LINGO2: variants seen among roughly 807,000 people sequenced by gnomAD.
The protein encoded by LINGO2 is leucine rich repeat and Ig domain containing 2.
A neutral mutation model predicts 30.6 loss-of-function variants in LINGO2; 14 were observed. The observed-to-expected ratio is 0.46, with a 90% confidence interval of 0.30 to 0.72. The LOEUF (loss-of-function observed/expected upper bound fraction) is 0.72, where lower values mean the gene tolerates loss of function less well. Ranked by LOEUF, LINGO2 falls within the 30% of genes least tolerant of loss-of-function variation. The pLI is 0.07. For synonymous variants in LINGO2, 317 were observed against 288.5 expected (o/e 1.10, Z -1.00); for missense variants, 729 against 751.7 (o/e 0.97, Z 0.35).
At chr9:28,233,061 TTAG>T (rs1408214826) in intron 4 of LINGO2, among the ~76,000 whole-genome samples, 17 of 118,744 alleles carry the variant, frequency 1.4e-4, no homozygotes, top group South Asian at 2.6e-4. Context: ...TATATATATA[TTAG>T]ATATATAATA....
the LINGO2 span, among the ~76,000 whole-genome samples, chr9:29,106,762 G>C: frequency 2.6e-5 from 4 of 152,252 alleles, no homozygotes; most frequent in African/African-American, 9.6e-5. Context: ...AATTCTCACA[G>C]TAAACATGCA....
At chr9:28,023,089 A>C (rs1823213839) in intron 4 of LINGO2, among the ~76,000 whole-genome samples, 1 of 152,106 alleles carries the variant, frequency 6.6e-6, no homozygotes, top group Non-Finnish European at 1.5e-5. Context: ...TTTCAATTAG[A>C]GCCTTTAACA....
intron 5 of LINGO2, among the ~76,000 whole-genome samples, chr9:27,981,551 G>GAAAAAAAAAAA (rs1279785343): frequency 1.1e-5 from 1 of 87,144 alleles, no homozygotes; most frequent in African/African-American, 4.2e-5. Context: ...AAAAAAAAAA[G>GAAAAAAAAAAA]AAAAAAAAGA....
chr9:28,736,112 T>C, the LINGO2 span, among the ~76,000 whole-genome samples: 2 of 152,188 alleles, frequency 1.3e-5, no homozygotes, highest in East Asian at 3.8e-4. Flanking sequence ...GCTAAAGCAA[T>C]TAAACAGAAC....
chr9:27,970,818 G>T (rs1820317495), intron 5 of LINGO2, among the ~76,000 whole-genome samples: 1 of 151,896 alleles, frequency 6.6e-6, no homozygotes, highest in African/African-American at 2.4e-5. Context: ...ATAATGGTAT[G>T]CTATGGAAAC....
chr9:28,583,465 A>T (rs1824367261), intron 1 of LINGO2, among the ~76,000 whole-genome samples: 1 of 151,946 alleles, frequency 6.6e-6, no homozygotes, highest in Admixed American at 6.6e-5. Flanking sequence ...TTTCCCTTTG[A>T]TTGTGTAATA....
chr9:29,023,114 C>T, the LINGO2 span, among the ~76,000 whole-genome samples: 3 of 152,066 alleles, frequency 2.0e-5, no homozygotes, highest in African/African-American at 4.8e-5. Context: ...GGACTCAACA[C>T]TTGAGTCTTC....
the LINGO2 span, chr9:27,940,344 G>A: frequency 3.1e-4 from 47 of 152,186 alleles, no homozygotes; most frequent in African/African-American, 1.1e-3. Context: ...TTGATAGAGG[G>A]TCATAATTTT....
At chr9:28,453,056 T>C (rs1459414626) in intron 2 of LINGO2, among the ~76,000 whole-genome samples, 1 of 151,904 alleles carries the variant, frequency 6.6e-6, no homozygotes, top group Non-Finnish European at 1.5e-5. Context: ...AGATAATAGA[T>C]TTGAGTAGAA....
chr9:28,772,445 A>G, the LINGO2 span, among the ~76,000 whole-genome samples: 2 of 152,214 alleles, frequency 1.3e-5, no homozygotes, highest in African/African-American at 4.8e-5. Flanking sequence ...TTGCATGTAC[A>G]TAACAGCAGC....
At chr9:28,396,223 C>T (rs1247855789) in intron 2 of LINGO2, among the ~76,000 whole-genome samples, 1 of 152,124 alleles carries the variant, frequency 6.6e-6, no homozygotes, top group African/African-American at 2.4e-5. Flanking sequence ...TGTATTGACT[C>T]ACTTATTCTT....
At chr9:28,732,880 G>A in the LINGO2 span, among the ~76,000 whole-genome samples, 1 of 151,904 alleles carries the variant, frequency 6.6e-6, no homozygotes, top group South Asian at 2.1e-4. Context: ...AATCCTGGCC[G>A]GATGCAAGAA....
At chr9:28,563,583 AAAGAAC>A in intron 1 of LINGO2, among the ~76,000 whole-genome samples, 1 of 152,298 alleles carries the variant, frequency 6.6e-6, no homozygotes, top group South Asian at 2.1e-4. Flanking sequence ...CAAATATGCA[AAAGAAC>A]AAATGCTTGA....
chr9:28,648,855 C>A lies in LINGO2; in HGVS notation c.-365+21345G>T, dbSNP rs144348333. 4.5e-3 allele frequency among the ~76,000 whole-genome samples: 685 copies of A among 152,244 alleles called. 6 individuals are homozygous for A. Among genetic ancestry groups the A allele is most frequent in the African/African-American group, 0.012 (488 of 41,562 alleles). On this transcript the variant is annotated intron_variant, in intron 1 of 5. Transcript: ENST00000379992. ...CAAAGGATCTACCAGAATGTACCTT[C>A]TGTTGGCAGTTTCATTGATTCAGTG...
At chr9:28,018,464 G>C (rs1179689895) in intron 4 of LINGO2, among the ~76,000 whole-genome samples, 1 of 151,932 alleles carries the variant, frequency 6.6e-6, no homozygotes, top group African/African-American at 2.4e-5. Context: ...TCCAACAAAG[G>C]TCTAATATCT....
chr9:28,894,940 A>T, the LINGO2 span, among the ~76,000 whole-genome samples: 2 of 152,110 alleles, frequency 1.3e-5, no homozygotes, highest in Non-Finnish European at 2.9e-5. Context: ...TATACAATAG[A>T]TGTAAACTTA....
intron 5 of LINGO2, among the ~76,000 whole-genome samples, chr9:28,007,578 G>A (rs1822328991): frequency 6.6e-6 from 1 of 152,068 alleles, no homozygotes; most frequent in Non-Finnish European, 1.5e-5. Flanking sequence ...TGGCTATGGG[G>A]AACCCTCTGT....
At chr9:28,167,150 C>CT (rs1328056763) in intron 4 of LINGO2, among the ~76,000 whole-genome samples, 1 of 139,236 alleles carries the variant, frequency 7.2e-6, no homozygotes, top group African/African-American at 2.6e-5. Context: ...CCCCCCCCCC[C>CT]CACTTTTCTT....
At chr9:27,965,112 G>A (rs1406214826) in intron 5 of LINGO2, among the ~76,000 whole-genome samples, 1 of 152,056 alleles carries the variant, frequency 6.6e-6, no homozygotes, top group Middle Eastern at 3.2e-3. Context: ...TTAACTACAG[G>A]CAAAGACTAT....
Sources: allele counts gnomAD v4.1 joint callset (sites outside exome capture counted in the v4.1 genomes callset), GRCh38; gene constraint gnomAD v4.1.1; transcripts MANE v1.5; gene names NCBI Gene and HGNC (gene_info 2026-07-23, HGNC 2026-07-21).